UAP1: variants seen among roughly 807,000 people sequenced by gnomAD.
The protein encoded by UAP1 is UDP-N-acetylglucosamine pyrophosphorylase 1.
In UAP1, 25 loss-of-function variants were observed where a neutral mutation model predicts 58.5. The ratio of observed to expected loss-of-function variants is 0.43; its 90% CI spans 0.31 to 0.60. The LOEUF (loss-of-function observed/expected upper bound fraction) is 0.60. Ranked by LOEUF, UAP1 falls within the 20% of genes least tolerant of loss-of-function variation. The probability of loss-of-function intolerance (pLI) is 0.11; values close to 1 mark genes in which losing one functional copy is unlikely to be tolerated. For missense variants in UAP1, 575 were observed against 630.0 expected, an observed-to-expected ratio of 0.91 and a Z score of 0.93; for synonymous variants, 208 against 213.0, an observed-to-expected ratio of 0.98 and a Z score of 0.21.
chr1:162,599,483 C>A, exon 11 of UAP1: 2 of 616,546 alleles, frequency 3.2e-6, no homozygotes, highest in South Asian at 2.3e-5. Context: ...TTTTATTTTG[C>A]TTGTTGAACT....
At chr1:162,586,553 T>C (rs1654914213) in intron 5 of UAP1, among the ~76,000 whole-genome samples, 1 of 152,200 alleles carries the variant, frequency 6.6e-6, no homozygotes, top group Non-Finnish European at 1.5e-5. Context: ...ACAAATATTT[T>C]TTATTGTTTG....
exon 2 of UAP1, chr1:162,566,224 C>G (rs1389579109): frequency 1.2e-6 from 2 of 1,614,124 alleles, no homozygotes; most frequent in African/African-American, 2.7e-5. Flanking sequence ...TCCAAAAGGC[C>G]ATTGAAGGTT....
intron 9 of UAP1, among the ~76,000 whole-genome samples, chr1:162,595,901 G>C (rs568181891): frequency 6.6e-6 from 1 of 152,142 alleles, no homozygotes; most frequent in East Asian, 1.9e-4. Flanking sequence ...GCCCAGGCTG[G>C]AGTGCAGTGG....
intron 2 of UAP1, 52 bp from the exon 3 acceptor site, chr1:162,576,725 A>T: frequency 6.6e-7 from 1 of 1,513,440 alleles, no homozygotes; most frequent in Non-Finnish European, 9.1e-7. Flanking sequence ...TATATTTAAT[A>T]CTAAAGTGTT....
downstream of UAP1, among the ~76,000 whole-genome samples, chr1:162,600,256 C>T (rs1171594863): frequency 6.6e-6 from 1 of 152,082 alleles, no homozygotes; most frequent in Non-Finnish European, 1.5e-5. Context: ...CTCTGTTTTG[C>T]CCAAATATTT....
At chr1:162,578,669 T>C (rs1654362836) in intron 3 of UAP1, among the ~76,000 whole-genome samples, 1 of 152,240 alleles carries the variant, frequency 6.6e-6, no homozygotes, top group Admixed American at 6.5e-5. Context: ...CTTCTAAATA[T>C]ATCCAAACCT....
intron 8 of UAP1, 92 bp from the exon 9 acceptor site, chr1:162,592,640 T>C (rs1655384575): frequency 2.1e-6 from 2 of 941,574 alleles, no homozygotes; most frequent in Admixed American, 4.0e-5. Context: ...CATAAATACA[T>C]ACCATTCAAT....
At chr1:162,597,816 A>G (rs535311410) in exon 10 of UAP1, 5 of 1,613,380 alleles carry the variant, frequency 3.1e-6, no homozygotes, top group South Asian at 2.2e-5. Flanking sequence ...ATGATGTACC[A>G]ATCCAATGTG....
chr1:162,581,707 GA>G (rs1188097437), intron 5 of UAP1, among the ~76,000 whole-genome samples: 1 of 152,160 alleles, frequency 6.6e-6, no homozygotes, highest in African/African-American at 2.4e-5. Flanking sequence ...AAGTACTTCG[GA>G]AAGTGGTCAT....
At chr1:162,598,645 A>C (rs192466882) in intron 10 of UAP1, among the ~76,000 whole-genome samples, 232 of 152,200 alleles carry the variant, frequency 1.5e-3, no homozygotes, top group African/African-American at 5.3e-3. Context: ...CTACTCTTTT[A>C]CTTATGTAAT....
chr1:162,589,214 TA>T (rs1655140780), intron 7 of UAP1, among the ~76,000 whole-genome samples: 4 of 119,902 alleles, frequency 3.3e-5, no homozygotes, highest in Non-Finnish European at 6.6e-5. Flanking sequence ...TTTAAATATA[TA>T]TAATATTTAT....
At chr1:162,591,915 G>A (rs774716872) in intron 8 of UAP1, among the ~76,000 whole-genome samples, 4 of 152,126 alleles carry the variant, frequency 2.6e-5, no homozygotes, top group African/African-American at 4.8e-5. Flanking sequence ...CACCCAAAGT[G>A]CTGGGATTAC....
At chr1:162,597,811 G>T in exon 10 of UAP1, 1 of 1,613,234 alleles carries the variant, frequency 6.2e-7, no homozygotes, top group Non-Finnish European at 8.5e-7. Context: ...TGCCAATGAT[G>T]TACCAATCCA....
intron 5 of UAP1, among the ~76,000 whole-genome samples, chr1:162,584,507 A>C (rs1052690378): frequency 1.3e-5 from 2 of 152,162 alleles, no homozygotes; most frequent in Non-Finnish European, 2.9e-5. Context: ...CTGAGACAGG[A>C]TCTCACTCTG....
chr1:162,585,258 CTTT>C (rs10710780), intron 5 of UAP1, among the ~76,000 whole-genome samples: 1 of 148,184 alleles, frequency 6.7e-6, no homozygotes. Context: ...TACTGTATAT[CTTT>C]TTTTTTTTTT....
intron 2 of UAP1, 46 bp from the exon 3 acceptor site, chr1:162,576,731 G>T: frequency 2.6e-6 from 4 of 1,534,816 alleles, no homozygotes; most frequent in Non-Finnish European, 3.6e-6. Flanking sequence ...TAATACTAAA[G>T]TGTTGAATTG....
chr1:162,569,337 T>G (rs1210600230), intron 2 of UAP1, among the ~76,000 whole-genome samples: 1 of 152,348 alleles, frequency 6.6e-6, no homozygotes, highest in Middle Eastern at 3.4e-3. Flanking sequence ...ATTCAGATGA[T>G]AATGGACATT....
At chr1:162,563,863 A>G (rs1653332518) in intron 1 of UAP1, among the ~76,000 whole-genome samples, 1 of 152,202 alleles carries the variant, frequency 6.6e-6, no homozygotes, top group African/African-American at 2.4e-5. Context: ...TCTTATATTC[A>G]TGAGGAAATC....
At chr1:162,570,996 T>G (rs1232939476) in intron 2 of UAP1, among the ~76,000 whole-genome samples, 1 of 152,178 alleles carries the variant, frequency 6.6e-6, no homozygotes, top group Non-Finnish European at 1.5e-5. Flanking sequence ...CTTGTGAATG[T>G]TATCAGAAAA....
Sources: allele counts gnomAD v4.1 joint callset (sites outside exome capture counted in the v4.1 genomes callset), GRCh38; gene constraint gnomAD v4.1.1; transcripts MANE v1.5; gene names NCBI Gene and HGNC (gene_info 2026-07-23, HGNC 2026-07-21).